HSPA4L: variants seen among roughly 807,000 people sequenced by gnomAD.
The protein encoded by HSPA4L is heat shock 70 kDa protein 4L.
HSPA4L carries 48 observed loss-of-function variants against 100.3 expected under a neutral mutation model. The ratio of observed to expected loss-of-function variants is 0.48; its 90% confidence interval spans 0.38 to 0.61. The LOEUF (loss-of-function observed/expected upper bound fraction) is 0.61, where lower values mean the gene tolerates loss of function less well. Among genes scored for constraint, HSPA4L ranks in the 20% least tolerant of loss-of-function variants. The probability of loss-of-function intolerance (pLI) is 0.00; values close to 1 mark genes in which losing one functional copy is unlikely to be tolerated. For missense variants in HSPA4L, 886 were observed against 988.6 expected (o/e 0.90, Z 1.39); for synonymous variants, 319 against 328.2 (o/e 0.97, Z 0.30).
intron 6 of HSPA4L, among the ~76,000 whole-genome samples, chr4:127,802,284 C>T (rs1303564050): frequency 1.3e-5 from 2 of 152,110 alleles, no homozygotes; most frequent in African/African-American, 4.8e-5. Flanking sequence ...AAATGATTCC[C>T]ATTGATTTTA....
intron 2 of HSPA4L, among the ~76,000 whole-genome samples, chr4:127,795,377 T>C (rs775745140): frequency 2.6e-4 from 40 of 152,160 alleles, no homozygotes; most frequent in Admixed American, 4.6e-4. Flanking sequence ...GAAATGCTCA[T>C]TGAAGTATTT....
In HSPA4L at chr4:127,833,776, A is replaced by T. The variant is rs1734145033; in HGVS notation, c.*902A>T. 1.3e-5 allele frequency: 2 copies of T among 152,186 alleles called. No individual in the cohort carries two copies. Among genetic ancestry groups the T allele is most frequent in the Non-Finnish European group, 2.9e-5 (2 of 68,020 alleles). The allele number at this position is 152,186 out of a possible 1,614,324, so 9.4% of individuals were successfully genotyped here. ...TAATACCTTAACACAGGGTAGGAAG[A>T]AGTGGCACAGTGTATTGCATTATAT... On this transcript the variant is annotated 3_prime_UTR_variant, in exon 19 of 19. Transcript: ENST00000296464.
At chr4:127,792,643 GTTACC>G (rs907834402) in intron 1 of HSPA4L, among the ~76,000 whole-genome samples, 2 of 152,132 alleles carry the variant, frequency 1.3e-5, no homozygotes, top group African/African-American at 4.8e-5. Context: ...GTGGATACCT[GTTACC>G]TTGCCTTCAT....
In HSPA4L at chr4:127,834,591, G is replaced by T. The variant is rs1734162771; in HGVS notation, c.*1717G>T. Reference sequence around the variant, plus strand: ...TCTTAATTCTCTTAAAATGAAATAGGTATATCCAATAGGTGATGAAATACA... The same window carrying T: ...TCTTAATTCTCTTAAAATGAAATAGTTATATCCAATAGGTGATGAAATACA... On this transcript the variant is annotated 3_prime_UTR_variant, in exon 19 of 19. Transcript: ENST00000296464. 3 of 152,076 alleles carry T rather than the reference G, an allele frequency of 2.0e-5. No homozygotes were observed. The allele number at this position is 152,076 out of a possible 1,614,324, so 9.4% of individuals were successfully genotyped here.
Position 127,798,610 on chromosome 4 carries a change from A to G in HSPA4L, c.330A>G (p.Arg110=). 1 of 1,613,730 alleles carries G rather than the reference A, an allele frequency of 6.2e-7. No individual in the cohort carries two copies. The highest frequency in any genetic ancestry group is 1.7e-5 in the Admixed American group (1 of 60,020). The part of the protein sequence containing the change: ...GVKVRYLEEE[R]PFAIEQVTGM... ...AGGTGCGGTACTTAGAGGAAGAGAG[A>G]CCTTTTGCAATTGAGCAAGTTACTG... Residue 110 remains arginine (R), a synonymous_variant, in exon 4 of 19, where the codon AGA becomes AGG. Coordinates refer to ENST00000296464, the MANE Select transcript of HSPA4L (RefSeq NM_014278.4).
intron 12 of HSPA4L, chr4:127,813,405 C>A: frequency 2.1e-6 from 1 of 473,938 alleles, no homozygotes; most frequent in Non-Finnish European, 3.7e-6. Context: ...TTCAATCTTT[C>A]CATGTATCAT....
rs1390315838 is a variant in HSPA4L at position 127,839,829 on chromosome 4, T to G, written c.*6955T>G. The G allele has an allele frequency of 1.3e-5, 2 of 152,238 alleles. No individual in the cohort carries two copies. The highest frequency in any genetic ancestry group is 4.8e-5 in the African/African-American group (2 of 41,466). 9.4% of individuals were successfully genotyped at this position (152,238 alleles called of 1,614,324 possible). A position where few individuals can be genotyped will look rare whatever the true frequency, so the allele number is the denominator to read the frequency against. On this transcript the variant is annotated 3_prime_UTR_variant, in exon 19 of 19. Transcript: ENST00000296464. ...ACTCACATGAAAAGTGGCTTTTATA[T>G]TTGGTAGGATAAAGCCATTGTCCTT...
In HSPA4L at chr4:127,782,485, C is replaced by G; in HGVS notation, c.-66C>G. 7.5e-7 allele frequency: 1 copy of G among 1,335,406 alleles called. No individual in the cohort carries two copies. Among genetic ancestry groups the G allele is most frequent in the East Asian group, 2.3e-5 (1 of 43,258 alleles). 82.7% of individuals were successfully genotyped at this position (1,335,406 alleles called of 1,614,324 possible). On this transcript the variant is annotated 5_prime_UTR_variant, in exon 1 of 19. Transcript: ENST00000296464. ...GAGTCGCAATCCCAGCAGCAATAGC[C>G]CAGAAGAGGACACGGTTCCCGTACC...
chr4:127,794,050 A>G, intron 1 of HSPA4L, 27 bp from the exon 2 acceptor site: 5 of 1,557,098 alleles, frequency 3.2e-6, no homozygotes, highest in Non-Finnish European at 4.4e-6. Context: ...AGTACCATGG[A>G]ACAAACTTTT....
rs1733563207 is a variant in HSPA4L at position 127,812,531 on chromosome 4, CACA to C, written c.1578+898_1578+900del. On this transcript the variant is annotated intron_variant, in intron 12 of 18. Coordinates refer to ENST00000296464, the MANE Select transcript of HSPA4L (RefSeq NM_014278.4). ...AGGAGAACTTTATCGTATTTAATTA[CACA>C]ACGTTTTCATCTTTTTATGTGTGCT... Among the ~76,000 whole-genome samples, 5 of 151,844 alleles carry C rather than the reference CACA, an allele frequency of 3.3e-5. No homozygotes were observed. In the South Asian group the frequency reaches 8.3e-4, roughly 25 times the overall value.
At chr4:127,815,358 T>G (rs1331702113) in intron 12 of HSPA4L, among the ~76,000 whole-genome samples, 1 of 152,072 alleles carries the variant, frequency 6.6e-6, no homozygotes, top group Non-Finnish European at 1.5e-5. Flanking sequence ...ATTAAGAAAT[T>G]ACCACATCAG....
intron 4 of HSPA4L, among the ~76,000 whole-genome samples, chr4:127,799,147 T>C (rs1395779986): frequency 6.6e-6 from 1 of 152,188 alleles, no homozygotes; most frequent in Admixed American, 6.5e-5. Context: ...CATTAAACAT[T>C]GTTAACTGGT....
At chr4:127,832,643 T>C in intron 18 of HSPA4L, 40 bp from the exon 19 acceptor site, 1 of 1,445,114 alleles carries the variant, frequency 6.9e-7, no homozygotes, top group Non-Finnish European at 9.4e-7. Context: ...TAACTTGTTC[T>C]GTAATCGTTT....
At chr4:127,812,697 A>ATTT in intron 12 of HSPA4L, 5 of 705,450 alleles carry the variant, frequency 7.1e-6, no homozygotes, top group South Asian at 1.6e-5. Context: ...GAGGTCCTTT[A>ATTT]TTTTTTTTTT....
Position 127,823,586 on chromosome 4 carries a change from C to G in HSPA4L, c.2008C>G (p.Pro670Ala), listed in dbSNP as rs754616376. ...GCTTTATGAAGACGGAGAGGACCAA[C>G]CTAAACAAGTTTATGTGGATAAGCT... ...NWLYEDGEDQ[P>A]KQVYVDKLQE... Residue 670 changes from proline (P) to alanine (A), a missense_variant, in exon 16 of 19, where the codon CCT (proline) becomes GCT (alanine). Physicochemically the swap from Pro to Ala is conservative, Grantham distance 27. Transcript: ENST00000296464. 6.2e-7 allele frequency: 1 copy of G among 1,613,472 alleles called. No homozygotes were observed. The highest frequency in any genetic ancestry group is 1.7e-5 in the Admixed American group (1 of 60,012).
At chr4:127,787,179 C>A (rs1578686649) in intron 1 of HSPA4L, among the ~76,000 whole-genome samples, 1 of 151,888 alleles carries the variant, frequency 6.6e-6, no homozygotes, top group African/African-American at 2.4e-5. Flanking sequence ...TGAGTGAGAC[C>A]CCTCTTAAAT....
At chr4:127,820,311 A>T in intron 13 of HSPA4L, 117 bp from the exon 14 acceptor site, 1 of 773,866 alleles carries the variant, frequency 1.3e-6, no homozygotes, top group Non-Finnish European at 2.0e-6. Context: ...GTCTTAAGGT[A>T]GTACTTTAAA....
At chr4:127,801,380 G>A in intron 5 of HSPA4L, 143 bp downstream of exon 5, 1 of 621,226 alleles carries the variant, frequency 1.6e-6, no homozygotes, top group South Asian at 2.1e-5. Flanking sequence ...AGTGAGCTAT[G>A]ATCATACCAC....
intron 12 of HSPA4L, among the ~76,000 whole-genome samples, chr4:127,817,825 A>G (rs1578715189): frequency 6.6e-6 from 1 of 152,060 alleles, no homozygotes; most frequent in Non-Finnish European, 1.5e-5. Context: ...AACATCTTTC[A>G]TATCAAGTTG....
Sources: allele counts gnomAD v4.1 joint callset (sites outside exome capture counted in the v4.1 genomes callset), GRCh38; gene constraint gnomAD v4.1.1; transcripts MANE v1.5; gene names NCBI Gene and HGNC (gene_info 2026-07-23, HGNC 2026-07-21).